EIF2AK2: variants seen among roughly 807,000 people sequenced by gnomAD.
EIF2AK2 encodes the protein interferon-induced, double-stranded RNA-activated protein kinase.
EIF2AK2 carries 40 observed loss-of-function variants against 70.5 expected under a neutral mutation model. The observed-to-expected ratio is 0.57, with a 90% CI of 0.44 to 0.74. EIF2AK2 has a LOEUF of 0.74. Ranked by LOEUF, EIF2AK2 falls within the 30% of genes least tolerant of loss-of-function variation. The pLI is 0.00. For missense variants in EIF2AK2, 555 were observed against 644.3 expected, an observed-to-expected ratio of 0.86 and a Z score of 1.50; for synonymous variants, 198 against 220.9, an observed-to-expected ratio of 0.90 and a Z score of 0.92.
chr2:37,111,260 C>T (rs1674134062), intron 14 of EIF2AK2, among the ~76,000 whole-genome samples: 2 of 151,908 alleles, frequency 1.3e-5, no homozygotes, highest in Admixed American at 1.3e-4. Flanking sequence ...ACATTTAACG[C>T]CACTAAACTA....
chr2:37,122,521 C>T lies in EIF2AK2; in HGVS notation c.1052G>A (p.Ser351Asn). ...TTTTAGTTACCTTGAACTATTTTTG[C>T]TGTTCTCAGGATCATAATCACTGCT... Reference protein sequence around the residue: ...LESSDYDPENSKNSSRSKTKC... With the variant: ...LESSDYDPENNKNSSRSKTKC... The change falls in exon 12 of 17, where the codon AGC (serine) becomes AAC (asparagine). Residue 351 changes from serine to asparagine, a missense_variant. Ser to Asn is a conservative substitution (Grantham distance 46). Around this residue, in one of 3 missense-constraint regions of EIF2AK2, gnomAD observed 299 missense variants for 375.4 expected, o/e 0.80. Coordinates refer to ENST00000233057, the MANE Select transcript of EIF2AK2 (RefSeq NM_001135651.3). The T allele has an allele frequency of 6.2e-7, 1 of 1,609,922 alleles. No individual in the cohort carries two copies. Among genetic ancestry groups the T allele is most frequent in the Non-Finnish European group, 8.5e-7 (1 of 1,179,180 alleles).
chr2:37,135,833 T>C (rs1410966964), intron 9 of EIF2AK2, among the ~76,000 whole-genome samples: 1 of 152,238 alleles, frequency 6.6e-6, no homozygotes, highest in African/African-American at 2.4e-5. Context: ...GGTCTCTTCA[T>C]GTTACCCAGT....
At chr2:37,135,196 G>A (rs1309810589) in intron 10 of EIF2AK2, among the ~76,000 whole-genome samples, 1 of 152,038 alleles carries the variant, frequency 6.6e-6, no homozygotes, top group African/African-American at 2.4e-5. Context: ...CAACCAATTG[G>A]GCCTAGTAAG....
chr2:37,137,113 G>T, intron 8 of EIF2AK2, 96 bp from the exon 9 acceptor site: 1 of 1,015,490 alleles, frequency 9.8e-7, no homozygotes, highest in Non-Finnish European at 1.4e-6. Flanking sequence ...ATGGCTCTCT[G>T]ACCAATTTCT....
chr2:37,126,237 G>A, intron 11 of EIF2AK2, 52 bp downstream of exon 11: 1 of 1,523,134 alleles, frequency 6.6e-7, no homozygotes, highest in Non-Finnish European at 8.8e-7. Context: ...AAAGAATAGT[G>A]CAGATTCAGC....
intron 1 of EIF2AK2, among the ~76,000 whole-genome samples, chr2:37,151,864 G>A (rs1053379303): frequency 1.3e-5 from 2 of 152,224 alleles, no homozygotes; most frequent in Non-Finnish European, 1.5e-5. Flanking sequence ...GGATCACGAG[G>A]TCAGGAGATC....
Position 37,100,152 on chromosome 2 carries a change from A to G in EIF2AK2, c.*7121T>C, listed in dbSNP as rs1673793118. The G allele has an allele frequency of 6.6e-6, 1 of 152,242 alleles. No homozygotes were observed. 9.4% of individuals were successfully genotyped at this position (152,242 alleles called of 1,614,324 possible). A position where few individuals can be genotyped will look rare whatever the true frequency, so the allele number is the denominator to read the frequency against. On this transcript the variant is annotated 3_prime_UTR_variant, in exon 17 of 17. Coordinates refer to ENST00000233057, the MANE Select transcript of EIF2AK2 (RefSeq NM_001135651.3). ...AGCAGTTATTAAAAAAAAAATGAAG[A>G]GAATTTCAGATAGAAACCACAGGAG...
chr2:37,135,792 G>A (rs1414019994), intron 9 of EIF2AK2, among the ~76,000 whole-genome samples: 3 of 152,058 alleles, frequency 2.0e-5, no homozygotes, highest in Middle Eastern at 6.8e-3. Flanking sequence ...CACCATACCT[G>A]GCTAATTCTT....
At position 37,152,561 on chromosome 2, in the gene EIF2AK2, G is replaced by A. The variant is rs574209353; in HGVS notation, c.-183-3538C>T. Among the ~76,000 whole-genome samples the A allele has an allele frequency of 7.2e-5, 11 of 152,204 alleles. No homozygotes were observed. In the East Asian group the frequency reaches 1.5e-3, roughly 21 times the overall value. The stretch of plus-strand genomic sequence containing the variant: ...CTCCCAAAGTGCTGGGATTACAGGT[G>A]TGGGCCACCACGCCTGGCCGGGCCA... On this transcript the variant is annotated intron_variant, in intron 1 of 16. Coordinates refer to ENST00000233057, the MANE Select transcript of EIF2AK2 (RefSeq NM_001135651.3).
intron 10 of EIF2AK2, among the ~76,000 whole-genome samples, chr2:37,132,495 A>G (rs1674977784): frequency 6.6e-6 from 1 of 152,080 alleles, no homozygotes; most frequent in African/African-American, 2.4e-5. Flanking sequence ...AGGCTGAGGC[A>G]GGAGAATCGC....
intron 14 of EIF2AK2, among the ~76,000 whole-genome samples, chr2:37,114,309 A>G (rs1389675157): frequency 2.0e-5 from 3 of 152,038 alleles, no homozygotes; most frequent in Admixed American, 2.0e-4. Flanking sequence ...CTAAAACAAA[A>G]TAAGAACAAC....
chr2:37,119,792 A>G (rs940411402), intron 13 of EIF2AK2, among the ~76,000 whole-genome samples, 167 bp downstream of exon 13: 1 of 151,634 alleles, frequency 6.6e-6, no homozygotes, highest in Non-Finnish European at 1.5e-5. Flanking sequence ...CGGTTTCACC[A>G]TGTTGGCCAG....
intron 9 of EIF2AK2, 87 bp from the exon 10 acceptor site, chr2:37,135,633 T>C (rs908025475): frequency 6.5e-6 from 8 of 1,225,774 alleles, no homozygotes; most frequent in Non-Finnish European, 8.0e-6. Flanking sequence ...TTTTTCTTTC[T>C]TTTTTTTTCT....
At position 37,148,880 on chromosome 2, in the gene EIF2AK2, T is replaced by C. The variant is rs1291802094; in HGVS notation, c.-40A>G. On this transcript the variant is annotated 5_prime_UTR_variant, in exon 2 of 17. Transcript: ENST00000233057. The stretch of plus-strand genomic sequence containing the variant: ...ACCTGGTTGGAAGCTTTGTCCAAAA[T>C]GCACGCAGATAATCACGGAAGTGTG... The C allele has an allele frequency of 2.4e-6, 2 of 835,594 alleles. No individual in the cohort carries two copies. The allele number at this position is 835,594 out of a possible 1,614,324, so 51.8% of individuals were successfully genotyped here. A position where few individuals can be genotyped will look rare whatever the true frequency, so the allele number is the denominator to read the frequency against.
intron 13 of EIF2AK2, chr2:37,115,118 G>C (rs2148669782): frequency 5.8e-6 from 1 of 172,818 alleles, no homozygotes; most frequent in Admixed American, 6.4e-5. Flanking sequence ...TGCTATCTCG[G>C]TTCACTGCAA....
At position 37,147,765 on chromosome 2, in the gene EIF2AK2, A is replaced by G; in HGVS notation, c.42T>C (p.Leu14=). 6.2e-7 allele frequency: 1 copy of G among 1,613,620 alleles called. No individual in the cohort carries two copies. Among genetic ancestry groups the G allele is most frequent in the South Asian group, 1.1e-5 (1 of 91,080 alleles). Residue 14 remains leucine, a synonymous_variant, in exon 3 of 17, where the codon CTT becomes CTC. Transcript: ENST00000233057. ...CTCCCTGCTTCTGACGGTATGTATT[A>G]AGTTCCTCCATGAAGAAACCTGCTG... ...DLSAGFFMEE[L]NTYRQKQGVV...
intron 1 of EIF2AK2, among the ~76,000 whole-genome samples, chr2:37,153,964 A>C (rs1031812896): frequency 6.6e-6 from 1 of 152,186 alleles, no homozygotes; most frequent in Non-Finnish European, 1.5e-5. Flanking sequence ...TAATTTCTCC[A>C]CATCCTCACC....
intron 5 of EIF2AK2, 90 bp downstream of exon 5, chr2:37,141,463 C>T: frequency 6.8e-7 from 1 of 1,479,478 alleles, no homozygotes; most frequent in Non-Finnish European, 9.2e-7. Context: ...CTTAAAAGGA[C>T]ACATATTTCT....
At chr2:37,122,364 G>T in intron 12 of EIF2AK2, 142 bp downstream of exon 12, 1 of 947,298 alleles carries the variant, frequency 1.1e-6, no homozygotes, top group Non-Finnish European at 1.5e-6. Context: ...CCTTACCTTC[G>T]GAATGGAGAG....
Sources: gnomAD v4.1 joint callset for allele counts (sites outside exome capture counted in the v4.1 genomes callset) on GRCh38, gnomAD v4.1.1 for gene constraint, gnomAD v4.1.1 regional missense constraint, MANE v1.5 for transcripts, NCBI Gene and HGNC (gene_info 2026-07-23, HGNC 2026-07-21) for gene names.